Variants in SYNPO2 observed in about 807,000 individuals in gnomAD.
SYNPO2 encodes synaptopodin 2.
SYNPO2 carries 56 observed loss-of-function variants against 85.0 expected under a neutral mutation model. That is an observed-to-expected ratio of 0.66 (90% confidence interval 0.53 to 0.82). The LOEUF is 0.82. Among genes scored for constraint, SYNPO2 ranks in the 40% least tolerant of loss-of-function variants. The pLI is 0.00. For missense variants in SYNPO2, 1,575 were observed against 1,534.2 expected (o/e 1.03, Z -0.44); for synonymous variants, 602 against 591.1 (o/e 1.02, Z -0.27).
At chr4:118,863,787 T>C (rs918046132) in intron 1 of SYNPO2, among the ~76,000 whole-genome samples, 1 of 152,108 alleles carries the variant, frequency 6.6e-6, no homozygotes, top group African/African-American at 2.4e-5. Flanking sequence ...AATTTTTGCG[T>C]TTTTAATAGA....
intron 1 of SYNPO2, among the ~76,000 whole-genome samples, chr4:118,978,387 C>A (rs530054222): frequency 6.6e-6 from 1 of 152,186 alleles, no homozygotes; most frequent in South Asian, 2.1e-4. Flanking sequence ...TAAAATATGA[C>A]CGTTTCCCTA....
At chr4:118,902,331 T>C (rs543193488) in intron 1 of SYNPO2, among the ~76,000 whole-genome samples, 21 of 152,288 alleles carry the variant, frequency 1.4e-4, no homozygotes, top group South Asian at 1.0e-3. Flanking sequence ...TACCTGAGAC[T>C]AAGTAATTTA....
chr4:118,950,962 A>G (rs1298363871), intron 1 of SYNPO2, among the ~76,000 whole-genome samples: 1 of 152,206 alleles, frequency 6.6e-6, no homozygotes, highest in Admixed American at 6.5e-5. Flanking sequence ...AAGATATTGA[A>G]GTCTTCATGC....
chr4:119,057,688 G>C lies in SYNPO2; in HGVS notation c.3540G>C (p.Leu1180=). ...PGPPEDWNER[L]SYIPQTQKAY... is the part of the protein sequence containing the mutation. ...CTCCAGAGGATTGGAATGAAAGACT[G>C]TCCTATATTCCTCAAACCCAGAAGG... Residue 1180 remains leucine (L), a synonymous_variant, in exon 5 of 5, where the codon CTG becomes CTC. Coordinates refer to ENST00000307142, the MANE Select transcript of SYNPO2 (RefSeq NM_133477.3). 6.2e-7 allele frequency: 1 copy of C among 1,614,148 alleles called. No individual in the cohort carries two copies. Among genetic ancestry groups the C allele is most frequent in the Non-Finnish European group, 8.5e-7 (1 of 1,180,042 alleles).
At chr4:119,035,038 C>G (rs947875724) in intron 4 of SYNPO2, 20 of 985,442 alleles carry the variant, frequency 2.0e-5, no homozygotes, top group Non-Finnish European at 2.4e-5. Context: ...TTTTCATTGC[C>G]AGCTCAAGAG....
chr4:118,948,684 A>T (rs932390277), intron 1 of SYNPO2, among the ~76,000 whole-genome samples: 1 of 151,994 alleles, frequency 6.6e-6, no homozygotes, highest in African/African-American at 2.4e-5. Context: ...GAGGTGTCAC[A>T]CTCTTTTAAA....
chr4:118,855,119 T>G (rs1481098270), intron 1 of SYNPO2, among the ~76,000 whole-genome samples: 2 of 124,916 alleles, frequency 1.6e-5, no homozygotes, highest in Admixed American at 1.8e-4. Flanking sequence ...TTATTTTTAC[T>G]AAAGCAAAAA....
chr4:118,930,978 A>G (rs1395798348), intron 1 of SYNPO2, among the ~76,000 whole-genome samples: 1 of 151,872 alleles, frequency 6.6e-6, no homozygotes, highest in Non-Finnish European at 1.5e-5. Flanking sequence ...TCACTTGTGA[A>G]TTCTTTACCC....
At chr4:118,903,834 C>A (rs1038656432) in intron 1 of SYNPO2, among the ~76,000 whole-genome samples, 1 of 152,000 alleles carries the variant, frequency 6.6e-6, no homozygotes. Context: ...GCCTCAGCCT[C>A]CCGAGTCGCT....
intron 1 of SYNPO2, among the ~76,000 whole-genome samples, chr4:118,955,724 A>T (rs1397356791): frequency 1.5e-5 from 2 of 137,580 alleles, no homozygotes; most frequent in East Asian, 4.1e-4. Flanking sequence ...TTAAATCCAG[A>T]TGTTACAATG....
chr4:118,947,522 A>G (rs1244566269), intron 1 of SYNPO2, among the ~76,000 whole-genome samples: 3 of 152,202 alleles, frequency 2.0e-5, no homozygotes, highest in African/African-American at 4.8e-5. Context: ...GCCACCTGCA[A>G]TAAGTTTATT....
In SYNPO2 at chr4:119,027,236, C is replaced by A. The variant is rs749725484; in HGVS notation, c.867C>A (p.Asp289Glu). 3.7e-6 allele frequency: 6 copies of A among 1,614,120 alleles called. No homozygotes were observed. The highest frequency in any genetic ancestry group is 5.1e-6 in the Non-Finnish European group (6 of 1,180,034). ...TGCCCCGGGTGGAAGTGATCCTCGA[C>A]TGCTCTGACAGGCAGAAGACAGAAG... ...AGLPRVEVIL[D>E]CSDRQKTEGC... Residue 289 changes from aspartate to glutamate, a missense_variant, in exon 3 of 5, where the codon GAC becomes GAA. By Grantham distance (45) the Asp-to-Glu change is conservative (BLOSUM62 2). Transcript: ENST00000307142.
At chr4:119,010,277 G>A (rs995257869) in intron 1 of SYNPO2, among the ~76,000 whole-genome samples, 8 of 152,068 alleles carry the variant, frequency 5.3e-5, no homozygotes, top group African/African-American at 1.9e-4. Flanking sequence ...CCCGAGACTG[G>A]GAATAAAAAG....
intron 1 of SYNPO2, among the ~76,000 whole-genome samples, chr4:119,007,231 T>TATATATATAC (rs1553945922): frequency 3.7e-4 from 18 of 49,280 alleles, no homozygotes; most frequent in African/African-American, 1.6e-3. Flanking sequence ...TATATATATA[T>TATATATATAC]ATATATATAT....
At chr4:118,863,883 A>G (rs1397913193) in intron 1 of SYNPO2, among the ~76,000 whole-genome samples, 1 of 152,248 alleles carries the variant, frequency 6.6e-6, no homozygotes, top group African/African-American at 2.4e-5. Context: ...CTGGGATTAC[A>G]GGCATGAGCC....
chr4:119,030,994 C>A lies in SYNPO2; in HGVS notation c.2219C>A (p.Ala740Glu), dbSNP rs1226759036. The A allele has an allele frequency of 6.2e-7, 1 of 1,614,128 alleles. No homozygotes were observed. The highest frequency in any genetic ancestry group is 1.1e-5 in the South Asian group (1 of 91,076). The stretch of plus-strand genomic sequence containing the variant: ...GAAGAAGACTACCTCAGCTTGGGGG[C>A]AGAGGCTTGTAATTTCATGCAAAGC... ...GPEEDYLSLG[A>E]EACNFMQSSS... Residue 740 changes from alanine (A) to glutamate (E), a missense_variant, in exon 4 of 5, where the codon GCA (alanine) becomes GAA (glutamate). Transcript: ENST00000307142.
chr4:118,853,385 C>T (rs547024792), intron 1 of SYNPO2, among the ~76,000 whole-genome samples: 30 of 152,186 alleles, frequency 2.0e-4, no homozygotes, highest in African/African-American at 7.2e-4. Context: ...GATATTTCCC[C>T]CCCTCCTGAT....
At chr4:118,985,776 C>T (rs960293000) in intron 1 of SYNPO2, among the ~76,000 whole-genome samples, 6 of 152,330 alleles carry the variant, frequency 3.9e-5, no homozygotes, top group Middle Eastern at 3.4e-3. Context: ...TATCCCTGAT[C>T]GAGGATCTAA....
chr4:118,885,783 G>A (rs11722846), upstream of SYNPO2, among the ~76,000 whole-genome samples: 25,973 of 152,132 alleles, frequency 0.17, 2,824 homozygotes, highest in Non-Finnish European at 0.24. Context: ...CGCATAGCCA[G>A]ATCCATAGGT....
Sources: gnomAD v4.1 joint callset for allele counts (sites outside exome capture counted in the v4.1 genomes callset) on GRCh38, gnomAD v4.1.1 for gene constraint, MANE v1.5 for transcripts, NCBI Gene and HGNC (gene_info 2026-07-23, HGNC 2026-07-21) for gene names.